Variants in STRN3 observed in about 807,000 individuals in gnomAD.
STRN3 encodes striatin 3.
Under a neutral mutation model 95.6 loss-of-function variants are expected in STRN3, and 29 were observed. That is an observed-to-expected ratio of 0.30 (90% CI 0.23 to 0.41). STRN3 has a LOEUF of 0.41. STRN3 is among the 10% of genes least tolerant of loss of function. The pLI is 1.00. For synonymous variants in STRN3, 331 were observed against 357.6 expected, an observed-to-expected ratio of 0.93 and a Z score of 0.84; for missense variants, 890 against 972.1, an observed-to-expected ratio of 0.92 and a Z score of 1.12.
intron 1 of STRN3, among the ~76,000 whole-genome samples, chr14:30,967,159 G>A (rs1880559007): frequency 6.6e-6 from 1 of 150,494 alleles, no homozygotes; most frequent in Admixed American, 6.6e-5. Flanking sequence ...CTTTCTTCTT[G>A]GGTATTAGAG....
At chr14:30,956,627 C>T (rs957341751) in intron 1 of STRN3, among the ~76,000 whole-genome samples, 2 of 152,046 alleles carry the variant, frequency 1.3e-5, no homozygotes, top group African/African-American at 2.4e-5. Context: ...CTAACACATC[C>T]CTTTTAAAAT....
At chr14:30,911,908 T>C in intron 11 of STRN3, 84 bp from the exon 12 acceptor site, 15 of 1,560,388 alleles carry the variant, frequency 9.6e-6, no homozygotes, top group Non-Finnish European at 1.3e-5. Flanking sequence ...AGTCATTAGA[T>C]CAAATGTGTG....
intron 1 of STRN3, among the ~76,000 whole-genome samples, chr14:30,984,933 A>G (rs1348209931): frequency 1.3e-5 from 2 of 152,236 alleles, no homozygotes; most frequent in African/African-American, 4.8e-5. Flanking sequence ...TTAGGCATTT[A>G]GAAATTCCTA....
At chr14:31,025,283 T>G (rs1347468847) in intron 1 of STRN3, 2 of 153,822 alleles carry the variant, frequency 1.3e-5, no homozygotes, top group African/African-American at 4.8e-5. Flanking sequence ...TCCAAGTGAG[T>G]AAGGCAGCAT....
chr14:30,896,715 A>G (rs1896161872), intron 16 of STRN3, among the ~76,000 whole-genome samples: 1 of 152,158 alleles, frequency 6.6e-6, no homozygotes, highest in African/African-American at 2.4e-5. Context: ...AGTTCAGTTC[A>G]CTTATCCTTT....
intron 7 of STRN3, among the ~76,000 whole-genome samples, chr14:30,931,498 T>C (rs1594454442): frequency 1.3e-5 from 2 of 152,248 alleles, no homozygotes; most frequent in South Asian, 2.1e-4. Flanking sequence ...AGATGAATTA[T>C]ACAAATCTAT....
chr14:30,960,484 T>A (rs76745020), intron 1 of STRN3, among the ~76,000 whole-genome samples: 1 of 152,048 alleles, frequency 6.6e-6, no homozygotes, highest in African/African-American at 2.4e-5. Flanking sequence ...GAAGATCACA[T>A]GATTTATGAA....
At chr14:30,910,574 C>CT (rs540290515) in intron 13 of STRN3, among the ~76,000 whole-genome samples, 79 of 145,562 alleles carry the variant, frequency 5.4e-4, no homozygotes, top group Middle Eastern at 3.7e-3. Flanking sequence ...GGTTTCCTTT[C>CT]TTTTTTTTTT....
chr14:30,963,651 C>G (rs935108386), intron 1 of STRN3, among the ~76,000 whole-genome samples: 1 of 152,178 alleles, frequency 6.6e-6, no homozygotes, highest in African/African-American at 2.4e-5. Context: ...CTCAAGTGAT[C>G]TGCCCACCTT....
At chr14:30,998,503 A>C (rs1389983502) in intron 1 of STRN3, among the ~76,000 whole-genome samples, 3 of 152,210 alleles carry the variant, frequency 2.0e-5, no homozygotes, top group Admixed American at 1.3e-4. Flanking sequence ...CCTCTGACTA[A>C]CATTAAGGCT....
In STRN3 at chr14:30,904,700, C is replaced by T. The variant is rs138066012; in HGVS notation, c.2029+718G>A. On this transcript the variant is annotated intron_variant, in intron 15 of 17. Transcript: ENST00000357479. ...GAAATAATCCAGACTGAAAACATCA[C>T]AAAAACATGAACAACCAGAAAATAC... Among the ~76,000 whole-genome samples the T allele has an allele frequency of 3.2e-4, 48 of 151,992 alleles. No homozygotes were observed. The East Asian group carries it at 8.7e-3, about 27-fold the overall frequency.
chr14:30,984,768 C>T (rs978001023), intron 1 of STRN3, among the ~76,000 whole-genome samples: 1 of 151,780 alleles, frequency 6.6e-6, no homozygotes, highest in Non-Finnish European at 1.5e-5. Flanking sequence ...GGCGACAAAG[C>T]AAGACTCCGT....
chr14:31,003,794 C>CT (rs199971279), intron 1 of STRN3, among the ~76,000 whole-genome samples: 13 of 14,590 alleles, frequency 8.9e-4, no homozygotes, highest in Middle Eastern at 0.033. Context: ...ACACATCTTT[C>CT]TTAAAAAAAA....
At position 31,012,841 on chromosome 14, in the gene STRN3, C is replaced by T. The variant is rs1883031586; in HGVS notation, c.282+13063G>A. On this transcript the variant is annotated intron_variant, in intron 1 of 17. Coordinates refer to ENST00000357479, the MANE Select transcript of STRN3 (RefSeq NM_001083893.2). ...ACCTGAAGGCAGAGGTTGCAGTGAG[C>T]TGAGATTGTGCCACTGCACTCTACC... Among the ~76,000 whole-genome samples the T allele has an allele frequency of 2.0e-5, 3 of 150,308 alleles. No individual in the cohort carries two copies. The South Asian group carries it at 6.3e-4, about 32-fold the overall frequency.
Position 30,935,252 on chromosome 14 carries a change from T to C in STRN3, c.899A>G (p.Glu300Gly). ...TAAAAAATCAAATTCTTTCAGTGCTTCCTCAGTATCAGGATCGTCAGTTAG... is the reference window on the plus strand; with the variant it reads ...TAAAAAATCAAATTCTTTCAGTGCTCCCTCAGTATCAGGATCGTCAGTTAG... ...ADLTDDPDTE[E>G]ALKEFDFLVT... is the part of the protein sequence containing the mutation. The change falls in exon 7 of 18, where the codon GAA (glutamate) becomes GGA (glycine). Residue 300 changes from glutamate (E) to glycine (G), a missense_variant. Coordinates refer to ENST00000357479, the MANE Select transcript of STRN3 (RefSeq NM_001083893.2). 1 of 1,614,128 alleles carries C rather than the reference T, an allele frequency of 6.2e-7. No homozygotes were observed. The highest frequency in any genetic ancestry group is 8.5e-7 in the Non-Finnish European group (1 of 1,180,002).
At chr14:31,002,470 CAAAAAAAAA>C (rs59491889) in intron 1 of STRN3, among the ~76,000 whole-genome samples, 2 of 81,616 alleles carry the variant, frequency 2.5e-5, no homozygotes, top group Admixed American at 1.4e-4. Context: ...GACTCTGTCT[CAAAAAAAAA>C]AAAAAAAAAA....
chr14:30,904,839 T>G (rs1053939610), intron 15 of STRN3, among the ~76,000 whole-genome samples: 1 of 151,760 alleles, frequency 6.6e-6, no homozygotes, highest in Non-Finnish European at 1.5e-5. Context: ...TTTAGATCTA[T>G]AATCAATTCA....
At chr14:30,959,457 C>A (rs76516408) in intron 1 of STRN3, among the ~76,000 whole-genome samples, 16 of 151,990 alleles carry the variant, frequency 1.1e-4, no homozygotes, top group African/African-American at 3.6e-4. Flanking sequence ...CATATCATCA[C>A]GTATCTAGAG....
chr14:30,998,918 C>A (rs1036530658), intron 1 of STRN3, among the ~76,000 whole-genome samples: 8 of 152,030 alleles, frequency 5.3e-5, no homozygotes, highest in African/African-American at 1.9e-4. Flanking sequence ...CCAGCCTGGG[C>A]AACACAGCAA....
Sources: allele counts gnomAD v4.1 joint callset (sites outside exome capture counted in the v4.1 genomes callset), GRCh38; gene constraint gnomAD v4.1.1; transcripts MANE v1.5; gene names NCBI Gene and HGNC (gene_info 2026-07-23, HGNC 2026-07-21).